The following SLC24A2 variants were observed in gnomAD, a reference collection of about 807,000 sequenced individuals.
SLC24A2 encodes the protein sodium/potassium/calcium exchanger 2.
In SLC24A2, 36 loss-of-function variants were observed where a neutral mutation model predicts 62.0. The ratio of observed to expected loss-of-function variants is 0.58; its 90% CI spans 0.44 to 0.77. SLC24A2 has a LOEUF of 0.77. Among genes scored for constraint, SLC24A2 ranks in the 30% least tolerant of loss-of-function variants. The pLI, the probability that SLC24A2 is intolerant of heterozygous loss-of-function variation, is 0.00. For missense variants in SLC24A2, 846 were observed against 817.9 expected (o/e 1.03, Z -0.42); for synonymous variants, 358 against 294.0 (o/e 1.22, Z -2.23).
the SLC24A2 span, among the ~76,000 whole-genome samples, chr9:20,291,269 G>A: frequency 6.6e-6 from 1 of 152,080 alleles, no homozygotes; most frequent in African/African-American, 2.4e-5. Flanking sequence ...GAGTGCCAAG[G>A]GATTCAAAGA....
the SLC24A2 span, among the ~76,000 whole-genome samples, chr9:20,158,348 A>C: frequency 6.6e-6 from 1 of 151,806 alleles, no homozygotes; most frequent in East Asian, 2.0e-4. Context: ...TGGGATTAAG[A>C]AGCGGAGCCT....
intron 8 of SLC24A2, among the ~76,000 whole-genome samples, chr9:19,548,737 C>T (rs976683740): frequency 1.5e-4 from 23 of 152,194 alleles, no homozygotes; most frequent in African/African-American, 5.3e-4. Flanking sequence ...CCTCCCTGTG[C>T]AGTCCCCCTT....
the SLC24A2 span, among the ~76,000 whole-genome samples, chr9:20,252,639 G>T: frequency 2.0e-5 from 3 of 152,198 alleles, no homozygotes; most frequent in African/African-American, 7.2e-5. Context: ...GGATATTGAG[G>T]TTCAAGCAGG....
At chr9:19,849,921 C>A in the SLC24A2 span, among the ~76,000 whole-genome samples, 5 of 152,072 alleles carry the variant, frequency 3.3e-5, no homozygotes, top group East Asian at 7.7e-4. Context: ...GTAAAAAGAA[C>A]TGATACATGT....
At chr9:19,740,678 GAATT>G (rs1208827231) in intron 2 of SLC24A2, among the ~76,000 whole-genome samples, 1 of 152,070 alleles carries the variant, frequency 6.6e-6, no homozygotes, top group Non-Finnish European at 1.5e-5. Context: ...TAAACATCTG[GAATT>G]ATTTATGAAT....
the SLC24A2 span, among the ~76,000 whole-genome samples, chr9:19,826,994 T>A: frequency 3.3e-5 from 5 of 152,300 alleles, no homozygotes; most frequent in Non-Finnish European, 7.3e-5. Context: ...TCTCTTGATA[T>A]ATAGAGACAT....
chr9:20,255,494 C>A, the SLC24A2 span, among the ~76,000 whole-genome samples: 1 of 152,208 alleles, frequency 6.6e-6, no homozygotes, highest in Admixed American at 6.5e-5. Flanking sequence ...TATCTGTATA[C>A]ATGGCATCAT....
At chr9:19,672,897 A>G (rs1239227040) in intron 2 of SLC24A2, among the ~76,000 whole-genome samples, 1 of 146,458 alleles carries the variant, frequency 6.8e-6, no homozygotes, top group Non-Finnish European at 1.5e-5. Flanking sequence ...TGTCTGAGAC[A>G]GTACTTGATA....
At chr9:19,826,332 G>A in the SLC24A2 span, among the ~76,000 whole-genome samples, 5 of 152,102 alleles carry the variant, frequency 3.3e-5, no homozygotes, top group African/African-American at 1.2e-4. Flanking sequence ...GAAAGCACTA[G>A]AGTGAATGGG....
chr9:20,202,066 T>C, the SLC24A2 span, among the ~76,000 whole-genome samples: 1 of 147,094 alleles, frequency 6.8e-6, no homozygotes, highest in African/African-American at 2.7e-5. Context: ...TGTGTGTGTG[T>C]GTGTGTGTGT....
chr9:20,092,552 G>T, the SLC24A2 span, among the ~76,000 whole-genome samples: 2 of 152,090 alleles, frequency 1.3e-5, no homozygotes, highest in African/African-American at 2.4e-5. Flanking sequence ...GGTTCATAAA[G>T]GTTTTAGACA....
chr9:20,021,505 G>A, the SLC24A2 span, among the ~76,000 whole-genome samples: 1 of 151,872 alleles, frequency 6.6e-6, no homozygotes, highest in Non-Finnish European at 1.5e-5. Context: ...AACGAGTTCT[G>A]GATTTTCTTG....
intron 2 of SLC24A2, among the ~76,000 whole-genome samples, chr9:19,750,346 C>T (rs1204372006): frequency 1.3e-5 from 2 of 151,884 alleles, no homozygotes; most frequent in Non-Finnish European, 2.9e-5. Flanking sequence ...ACTCAATTCA[C>T]CCTCTTCCTC....
chr9:20,284,611 G>C, the SLC24A2 span, among the ~76,000 whole-genome samples: 1 of 152,088 alleles, frequency 6.6e-6, no homozygotes, highest in Admixed American at 6.5e-5. Context: ...CATAGCAAAA[G>C]AAGAGATTTT....
At chr9:19,743,387 A>G (rs1311144904) in intron 2 of SLC24A2, among the ~76,000 whole-genome samples, 1 of 152,150 alleles carries the variant, frequency 6.6e-6, no homozygotes, top group African/African-American at 2.4e-5. Context: ...GCTAGCACCA[A>G]TTTTCTGCAA....
At chr9:19,597,146 A>G (rs10811216) in intron 5 of SLC24A2, 83 bp downstream of exon 5, 33,032 of 906,546 alleles carry the variant, frequency 0.036, 867 homozygotes, top group Admixed American at 0.085. Flanking sequence ...TGCAGAGAGG[A>G]AAAAAAAGAA....
chr9:19,637,977 G>C (rs1818401314), intron 2 of SLC24A2, among the ~76,000 whole-genome samples: 1 of 152,180 alleles, frequency 6.6e-6, no homozygotes, highest in African/African-American at 2.4e-5. Flanking sequence ...TGTACAGTGA[G>C]AGAGAAATCA....
the SLC24A2 span, among the ~76,000 whole-genome samples, chr9:20,272,833 A>C: frequency 6.6e-6 from 1 of 152,222 alleles, no homozygotes; most frequent in Admixed American, 6.5e-5. Context: ...CTGAGAATGC[A>C]TGGGAAGCTG....
the SLC24A2 span, among the ~76,000 whole-genome samples, chr9:20,262,633 C>A: frequency 2.0e-5 from 3 of 152,202 alleles, no homozygotes; most frequent in Non-Finnish European, 4.4e-5. Flanking sequence ...ACTTATGAAA[C>A]CTTATCATGA....
Sources: allele counts gnomAD v4.1 joint callset (sites outside exome capture counted in the v4.1 genomes callset), GRCh38; gene constraint gnomAD v4.1.1; transcripts MANE v1.5; gene names NCBI Gene and HGNC (gene_info 2026-07-23, HGNC 2026-07-21).